Variants in RGS9 observed in about 807,000 individuals in gnomAD.
RGS9 encodes the protein regulator of G-protein signalling 9.
In RGS9, 78 loss-of-function variants were observed where a neutral mutation model predicts 102.0. That is an observed-to-expected ratio of 0.76 (90% CI 0.64 to 0.92). The LOEUF is 0.92. RGS9 is among the 40% of genes least tolerant of loss of function. The pLI, the probability that RGS9 is intolerant of heterozygous loss-of-function variation, is 0.00. For missense variants in RGS9, 833 were observed against 866.1 expected (o/e 0.96, Z 0.48); for synonymous variants, 353 against 318.6 (o/e 1.11, Z -1.15).
intron 9 of RGS9, among the ~76,000 whole-genome samples, chr17:65,185,747 A>T (rs1485146406): frequency 2.0e-5 from 3 of 152,210 alleles, no homozygotes; most frequent in African/African-American, 7.2e-5. Context: ...GAGATAATAA[A>T]ATCAAATGAA....
chr17:65,184,212 C>T (rs752643831), intron 9 of RGS9, among the ~76,000 whole-genome samples: 7 of 152,090 alleles, frequency 4.6e-5, no homozygotes, highest in South Asian at 2.1e-4. Context: ...GTAACAACTT[C>T]GTTTTAACAT....
At chr17:65,160,194 C>T in intron 3 of RGS9, 39 bp from the exon 4 acceptor site, 1 of 1,502,478 alleles carries the variant, frequency 6.7e-7, no homozygotes, top group African/African-American at 1.4e-5. Flanking sequence ...CCTGTCTCAG[C>T]CCTGCTCTTA....
chr17:65,213,251 A>T (rs9914418), intron 17 of RGS9, among the ~76,000 whole-genome samples: 28,563 of 152,104 alleles, frequency 0.19, 4,666 homozygotes, highest in African/African-American at 0.44. Context: ...TAATCATGAA[A>T]ATATTATGAA....
In RGS9 at chr17:65,225,237, C is replaced by T. The variant is rs1370991423; in HGVS notation, c.1643C>T (p.Pro548Leu). ...QKGECSGSMA[P>L]RGPSVTESSE... Reference sequence around the variant, plus strand: ...GGGGAGTGCAGCGGGTCCATGGCCCCCCGTGGGCCCTCTGTCACCGAGAGC... The same window carrying T: ...GGGGAGTGCAGCGGGTCCATGGCCCTCCGTGGGCCCTCTGTCACCGAGAGC... Residue 548 changes from proline to leucine, a missense_variant, in exon 18 of 19, where the codon CCC becomes CTC. Around this residue, in one of 3 missense-constraint regions of RGS9, gnomAD observed 320 missense variants for 276.8 expected, o/e 1.16. Coordinates refer to ENST00000262406, the MANE Select transcript of RGS9 (RefSeq NM_003835.4). 3.7e-6 allele frequency: 6 copies of T among 1,610,790 alleles called. No individual in the cohort carries two copies. The African/African-American group carries it at 6.7e-5, about 18-fold the overall frequency.
At chr17:65,158,577 G>A (rs1164116274) in intron 3 of RGS9, 1 of 600,360 alleles carries the variant, frequency 1.7e-6, no homozygotes, top group Admixed American at 2.4e-5. Context: ...TAAGTGGGGA[G>A]GACTCAGTCA....
In RGS9 at chr17:65,168,340, G is replaced by A; in HGVS notation, c.582+59G>A. On this transcript the variant is annotated intron_variant, in intron 8 of 18. Coordinates refer to ENST00000262406, the MANE Select transcript of RGS9 (RefSeq NM_003835.4). ...TTCCTGTGCCTCCCACCTCCATCCT[G>A]TGCTCTCCATACCTGTTGCCAACTC... 3.4e-6 allele frequency: 4 copies of A among 1,192,478 alleles called. No homozygotes were observed. The South Asian group carries it at 5.1e-5, about 15-fold the overall frequency. The allele number at this position is 1,192,478 out of a possible 1,614,324, so 73.9% of individuals were successfully genotyped here.
In RGS9 at chr17:65,200,627, G is replaced by A. The variant is rs536579763; in HGVS notation, c.977-1366G>A. Among the ~76,000 whole-genome samples, 36 of 152,214 alleles carry A rather than the reference G, an allele frequency of 2.4e-4. No individual in the cohort carries two copies. In the South Asian group the frequency reaches 7.5e-3, roughly 32 times the overall value. On this transcript the variant is annotated intron_variant, in intron 13 of 18. Coordinates refer to ENST00000262406, the MANE Select transcript of RGS9 (RefSeq NM_003835.4). ...AAGGAAGGACCTCTATAGAGCTATG[G>A]GACAAATGCCAACTAGTTTAAAATT...
At chr17:65,221,748 G>A (rs1913712919) in intron 17 of RGS9, among the ~76,000 whole-genome samples, 1 of 152,278 alleles carries the variant, frequency 6.6e-6, no homozygotes, top group African/African-American at 2.4e-5. Context: ...TTCGGGGTCT[G>A]GTGGAGTCCC....
chr17:65,187,817 A>G (rs1191138234), intron 9 of RGS9, among the ~76,000 whole-genome samples: 1 of 152,148 alleles, frequency 6.6e-6, no homozygotes, highest in Admixed American at 6.5e-5. Flanking sequence ...CCAACATGGT[A>G]AAACCCCGTC....
At chr17:65,139,695 C>T (rs1256079039) in intron 1 of RGS9, among the ~76,000 whole-genome samples, 2 of 152,212 alleles carry the variant, frequency 1.3e-5, no homozygotes, top group East Asian at 3.9e-4. Context: ...TGCCCCTGGG[C>T]AGGACAGCTC....
intron 9 of RGS9, among the ~76,000 whole-genome samples, chr17:65,188,244 C>A (rs1912209088): frequency 6.6e-6 from 1 of 152,112 alleles, no homozygotes; most frequent in Admixed American, 6.5e-5. Flanking sequence ...CTTCTAAGAG[C>A]CTGAACATGA....
intron 14 of RGS9, among the ~76,000 whole-genome samples, chr17:65,203,742 C>A (rs911298519): frequency 1.3e-5 from 2 of 152,112 alleles, no homozygotes; most frequent in African/African-American, 2.4e-5. Flanking sequence ...CATTACAAAG[C>A]ACATGTGGGT....
Position 65,210,618 on chromosome 17 carries a change from C to G in RGS9, c.1407+13C>G. On this transcript the variant is annotated intron_variant, in intron 17 of 18. Coordinates refer to ENST00000262406, the MANE Select transcript of RGS9 (RefSeq NM_003835.4). Reference sequence around the variant, plus strand: ...GGACATCACCCAGGTCATGAGCAAGCTGGACCGCAGGAGCCAACTCCAAAA... The same window carrying G: ...GGACATCACCCAGGTCATGAGCAAGGTGGACCGCAGGAGCCAACTCCAAAA... 6.2e-7 allele frequency: 1 copy of G among 1,613,510 alleles called. No homozygotes were observed. The highest frequency in any genetic ancestry group is 8.5e-7 in the Non-Finnish European group (1 of 1,180,008).
chr17:65,173,096 G>A lies in RGS9; in HGVS notation c.583-4636G>A, dbSNP rs774985651. Among the ~76,000 whole-genome samples the A allele has an allele frequency of 2.4e-4, 36 of 151,692 alleles. No homozygotes were observed. Among genetic ancestry groups the A allele is most frequent in the Non-Finnish European group, 4.9e-4 (33 of 67,902 alleles). ...CGCCACCTCGCCTGGCTAATTTTTT[G>A]TATCTTTAGTAGAGATGGGTTTTCA... On this transcript the variant is annotated intron_variant, in intron 8 of 18. Transcript: ENST00000262406. The surrounding 1 kb of genome is among the most constrained non-coding windows in gnomAD (Gnocchi z 4.8).
At chr17:65,141,733 C>A (rs562191807) in intron 1 of RGS9, among the ~76,000 whole-genome samples, 1 of 152,098 alleles carries the variant, frequency 6.6e-6, no homozygotes, top group African/African-American at 2.4e-5. Flanking sequence ...TACCTGGGGT[C>A]AGGGGGGATC....
chr17:65,200,010 G>A (rs891717941), intron 13 of RGS9, among the ~76,000 whole-genome samples: 3 of 151,972 alleles, frequency 2.0e-5, no homozygotes, highest in African/African-American at 4.8e-5. Flanking sequence ...GTGGGAAAAC[G>A]TATGTAACAT....
intron 13 of RGS9, among the ~76,000 whole-genome samples, chr17:65,197,489 T>C (rs75933205): frequency 0.078 from 11,873 of 152,050 alleles, 739 homozygotes; most frequent in African/African-American, 0.17. Flanking sequence ...TACATCAGGA[T>C]CCCTCACATT....
At chr17:65,147,587 CTTT>C (rs36062784) in intron 1 of RGS9, among the ~76,000 whole-genome samples, 10 of 103,694 alleles carry the variant, frequency 9.6e-5, no homozygotes, top group Non-Finnish European at 1.2e-4. Context: ...CTTTTAAAAA[CTTT>C]TTTTTTTTTT....
At chr17:65,210,400 C>T (rs1281717322) in intron 16 of RGS9, 88 bp from the exon 17 acceptor site, 9 of 1,476,572 alleles carry the variant, frequency 6.1e-6, no homozygotes, top group Non-Finnish European at 7.6e-6. Context: ...CTGGACCTTC[C>T]AGCCCCAGCT....
Sources: gnomAD v4.1 joint callset for allele counts (sites outside exome capture counted in the v4.1 genomes callset) on GRCh38, gnomAD v4.1.1 for gene constraint, gnomAD v4.1.1 regional missense constraint, Gnocchi (gnomAD v3.1) non-coding constraint, MANE v1.5 for transcripts, NCBI Gene and HGNC (gene_info 2026-07-23, HGNC 2026-07-21) for gene names.